NLGN4X: variants seen among roughly 807,000 people sequenced by gnomAD.
NLGN4X encodes the protein neuroligin 4 X-linked, also known as neuroligin-4, X-linked.
A neutral mutation model predicts 40.3 loss-of-function variants in NLGN4X; 3 were observed. That is an observed-to-expected ratio of 0.07 (90% CI 0.03 to 0.19). The LOEUF (loss-of-function observed/expected upper bound fraction) is 0.19. Ranked by LOEUF, NLGN4X falls within the 10% of genes least tolerant of loss-of-function variation. NLGN4X has a pLI of 1.00. For synonymous variants in NLGN4X, 270 were observed against 306.8 expected (o/e 0.88, Z 1.25); for missense variants, 382 against 708.3 (o/e 0.54, Z 5.23).
chrX:5,906,524 G>A (rs1018271323), intron 4 of NLGN4X, among the ~76,000 whole-genome samples: 6 of 111,094 alleles, frequency 5.4e-5, no homozygotes, highest in South Asian at 3.9e-4. Flanking sequence ...ATGTATGTAT[G>A]TATGTATGTT....
intron 3 of NLGN4X, among the ~76,000 whole-genome samples, chrX:5,939,523 G>A (rs149031434): frequency 9.0e-6 from 1 of 111,232 alleles, no homozygotes; most frequent in African/African-American, 3.3e-5. Context: ...ATTATAAAGT[G>A]TCCATTCCAT....
At chrX:5,909,697 G>C (rs1413981511) in intron 3 of NLGN4X, among the ~76,000 whole-genome samples, 1 of 107,151 alleles carries the variant, frequency 9.3e-6, no homozygotes, top group East Asian at 2.9e-4. Context: ...CTAAGAATAT[G>C]TGCATGTATA....
At position 6,221,053 on chromosome X, in the gene NLGN4X, A is replaced by G. The variant is rs770081708; in HGVS notation, c.-306+7488T>C. ...ACGCCTGGCCAACTTTATAACTTTC[A>G]TTGTACATTTTCTATTTTTATTTAT... On this transcript the variant is annotated intron_variant, in intron 1 of 5. Coordinates refer to ENST00000381095, the MANE Select transcript of NLGN4X (RefSeq NM_181332.3). Among the ~76,000 whole-genome samples, 19 of 108,512 alleles carry G rather than the reference A, an allele frequency of 1.8e-4. No homozygotes were observed. In the South Asian group the frequency reaches 7.0e-3, roughly 40 times the overall value. The allele number at this position is 108,512 out of a possible 115,157, so 94.2% of individuals were successfully genotyped here. A position where few individuals can be genotyped will look rare whatever the true frequency, so the allele number is the denominator to read the frequency against.
chrX:6,003,183 G>A (rs184129229), intron 3 of NLGN4X, among the ~76,000 whole-genome samples: 2 of 111,445 alleles, frequency 1.8e-5, no homozygotes, highest in East Asian at 2.8e-4. Context: ...GACTGGGCCC[G>A]GAACAAAGAC....
chrX:6,195,656 CCAAT>C (rs1922972754), intron 1 of NLGN4X, among the ~76,000 whole-genome samples: 1 of 111,939 alleles, frequency 8.9e-6, no homozygotes, highest in African/African-American at 3.2e-5. Flanking sequence ...TTCACACCCT[CCAAT>C]CAGTGTTAAA....
At chrX:6,150,874 A>G (rs1271432990) in intron 2 of NLGN4X, 121 bp downstream of exon 2, 1 of 611,760 alleles carries the variant, frequency 1.6e-6, no homozygotes, top group African/African-American at 2.3e-5. Context: ...TGAAAAATAA[A>G]TTAAAATAAA....
intron 2 of NLGN4X, among the ~76,000 whole-genome samples, chrX:6,083,385 C>G (rs999597244): frequency 8.0e-5 from 9 of 111,854 alleles, no homozygotes; most frequent in Non-Finnish European, 1.5e-4. Context: ...TTCCCAGCCT[C>G]TAGAACTATG....
At chrX:5,967,892 G>C (rs1165689843) in intron 3 of NLGN4X, among the ~76,000 whole-genome samples, 1 of 111,103 alleles carries the variant, frequency 9.0e-6, no homozygotes, top group Non-Finnish European at 1.9e-5. Context: ...CCCCATCATG[G>C]ACTATAAACC....
rs756812371 is a variant in NLGN4X at position 6,181,921 on chromosome X, T to C, written c.-305-30150A>G. Reference sequence around the variant, plus strand: ...AACAAGAGAGGAAAGAGGGTTATCATGGGGGTACTCTTTTGGATACATGAT... The same window carrying C: ...AACAAGAGAGGAAAGAGGGTTATCACGGGGGTACTCTTTTGGATACATGAT... On this transcript the variant is annotated intron_variant, in intron 1 of 5. Transcript: ENST00000381095. Among the ~76,000 whole-genome samples the C allele has an allele frequency of 3.6e-5, 4 of 111,553 alleles. No individual in the cohort carries two copies. The East Asian group carries it at 1.1e-3, about 32-fold the overall frequency.
intron 2 of NLGN4X, among the ~76,000 whole-genome samples, chrX:6,077,296 CTGTGTGTGTGTGTGGTGTGTG>C (rs1260308356): frequency 1.1e-5 from 1 of 88,894 alleles, no homozygotes; most frequent in Non-Finnish European, 2.3e-5. Context: ...GTGTGTGTGT[CTGTGTGTGTGTGTGGTGTGTG>C]TGTGTGTGTG....
chrX:6,065,293 T>C (rs1237968524), intron 2 of NLGN4X, among the ~76,000 whole-genome samples: 1 of 108,903 alleles, frequency 9.2e-6, no homozygotes, highest in Non-Finnish European at 1.9e-5. Flanking sequence ...AAAATAGATA[T>C]AAAATTCCCA....
At chrX:5,982,094 C>G (rs759020905) in intron 3 of NLGN4X, among the ~76,000 whole-genome samples, 4 of 112,224 alleles carry the variant, frequency 3.6e-5, no homozygotes, top group Non-Finnish European at 5.6e-5. Context: ...AGATCAAACA[C>G]TCTCAAAAAC....
At chrX:5,974,534 C>T (rs1022536783) in intron 3 of NLGN4X, among the ~76,000 whole-genome samples, 1 of 111,763 alleles carries the variant, frequency 8.9e-6, no homozygotes, top group African/African-American at 3.3e-5. Flanking sequence ...CATTCTTCTG[C>T]AGAATAGAAT....
chrX:6,189,859 C>T (rs1922389252), intron 1 of NLGN4X, among the ~76,000 whole-genome samples: 1 of 109,323 alleles, frequency 9.1e-6, no homozygotes, highest in African/African-American at 3.4e-5. Context: ...TATTAAGACT[C>T]ATCCAGGTTG....
intron 1 of NLGN4X, among the ~76,000 whole-genome samples, chrX:6,160,422 T>C (rs1057163781): frequency 3.6e-5 from 4 of 111,991 alleles, no homozygotes; most frequent in African/African-American, 9.7e-5. Flanking sequence ...CAGAATTCAC[T>C]GTACTAATTG....
chrX:6,038,336 A>G (rs1376129109), intron 2 of NLGN4X, among the ~76,000 whole-genome samples: 2 of 112,606 alleles, frequency 1.8e-5, no homozygotes, highest in Non-Finnish European at 3.7e-5. Flanking sequence ...CCCCAGAAAG[A>G]TGAGAAGAAC....
intron 3 of NLGN4X, among the ~76,000 whole-genome samples, chrX:5,964,567 C>T (rs1488619838): frequency 1.8e-5 from 2 of 112,031 alleles, no homozygotes; most frequent in Non-Finnish European, 3.8e-5. Context: ...ACTGCAGTGG[C>T]ATGATCATAG....
intron 3 of NLGN4X, among the ~76,000 whole-genome samples, chrX:5,910,905 G>A (rs1388079732): frequency 9.0e-6 from 1 of 111,463 alleles, no homozygotes; most frequent in African/African-American, 3.3e-5. Flanking sequence ...TGTGACGGGA[G>A]ATTAGCTACG....
chrX:5,900,766 G>A (rs79118361), intron 5 of NLGN4X, among the ~76,000 whole-genome samples: 14 of 107,400 alleles, frequency 1.3e-4, no homozygotes, highest in Admixed American at 2.0e-4. Flanking sequence ...TTGTAGAGAC[G>A]GACTCTCACT....
Sources: gnomAD v4.1 joint callset for allele counts (sites outside exome capture counted in the v4.1 genomes callset) on GRCh38, gnomAD v4.1.1 for gene constraint, MANE v1.5 for transcripts, NCBI Gene and HGNC (gene_info 2026-07-23, HGNC 2026-07-21) for gene names.